Variants in CD2AP observed in about 807,000 individuals in gnomAD.
The protein encoded by CD2AP is CD2 associated protein.
In CD2AP, 46 loss-of-function variants were observed where a neutral mutation model predicts 85.1. The observed-to-expected ratio is 0.54, with a 90% CI of 0.43 to 0.69. The LOEUF is 0.69. CD2AP is among the 30% of genes least tolerant of loss of function. The probability of loss-of-function intolerance (pLI) is 0.00; values close to 1 mark genes in which losing one functional copy is unlikely to be tolerated. For synonymous variants in CD2AP, 255 were observed against 252.9 expected, an observed-to-expected ratio of 1.01 and a Z score of -0.08; for missense variants, 769 against 729.5, an observed-to-expected ratio of 1.05 and a Z score of -0.62.
Position 47,493,524 on chromosome 6 carries a change from G to C in CD2AP, c.5-9756G>C, listed in dbSNP as rs9357541. ...TGCCTTTGATTTTCTTCCATTAAAT[G>C]TGATACATCTAGGTGTAGTTTTTTT... is the stretch of plus-strand genomic sequence containing the variant. On this transcript the variant is annotated intron_variant, in intron 1 of 17. Transcript: ENST00000359314. Among the ~76,000 whole-genome samples, 9 of 152,034 alleles carry C rather than the reference G, an allele frequency of 5.9e-5. No individual in the cohort carries two copies. The East Asian group carries it at 1.7e-3, about 29-fold the overall frequency.
intron 5 of CD2AP, among the ~76,000 whole-genome samples, chr6:47,565,738 T>C (rs1767974595): frequency 6.6e-6 from 1 of 152,218 alleles, no homozygotes; most frequent in African/African-American, 2.4e-5. Flanking sequence ...GTTTAGAATC[T>C]ATTTTCTTTT....
chr6:47,552,021 G>A (rs1013520777), intron 4 of CD2AP, among the ~76,000 whole-genome samples: 2 of 152,002 alleles, frequency 1.3e-5, no homozygotes, highest in African/African-American at 4.8e-5. Context: ...GATTTAAGGG[G>A]TAGGGAACAG....
chr6:47,562,995 G>A (rs1236679958), intron 5 of CD2AP: 1 of 407,042 alleles, frequency 2.5e-6, no homozygotes. Context: ...GTATGTCATC[G>A]AAGAGTCCTT....
chr6:47,481,495 G>T (rs1360798445), intron 1 of CD2AP, among the ~76,000 whole-genome samples: 1 of 152,054 alleles, frequency 6.6e-6, no homozygotes, highest in Non-Finnish European at 1.5e-5. Context: ...ACAGGTGTGT[G>T]CCACCATGCC....
Position 47,609,192 on chromosome 6 carries a change from G to C in CD2AP, c.1702G>C (p.Glu568Gln). 6.2e-7 allele frequency: 1 copy of C among 1,613,094 alleles called. No homozygotes were observed. Among genetic ancestry groups the C allele is most frequent in the Non-Finnish European group, 8.5e-7 (1 of 1,179,496 alleles). ...TACAACTGCTTTCCTGACTCCATTA[G>C]AAATCAAAGCTAAAGTGGAAACAGA... ...ANTTAFLTPL[E>Q]IKAKVETDDV... The change falls in exon 16 of 18, where the codon GAA (glutamate) becomes CAA (glutamine). Residue 568 changes from glutamate (E) to glutamine (Q), a missense_variant. Coordinates refer to ENST00000359314, the MANE Select transcript of CD2AP (RefSeq NM_012120.3).
At chr6:47,579,204 G>GCATTC (rs1768397081) in intron 8 of CD2AP, among the ~76,000 whole-genome samples, 181 bp from the exon 9 acceptor site, 1 of 151,888 alleles carries the variant, frequency 6.6e-6, no homozygotes. Context: ...GTTTATGATT[G>GCATTC]CATTCCTGTG....
intron 11 of CD2AP, among the ~76,000 whole-genome samples, chr6:47,586,395 T>C (rs1291185187): frequency 6.6e-6 from 1 of 152,168 alleles, no homozygotes; most frequent in Non-Finnish European, 1.5e-5. Flanking sequence ...AGAATATTGG[T>C]TACCTGAGTG....
chr6:47,623,987 A>G (rs1043185615), intron 17 of CD2AP, among the ~76,000 whole-genome samples, 199 bp from the exon 18 acceptor site: 1 of 152,036 alleles, frequency 6.6e-6, no homozygotes, highest in African/African-American at 2.4e-5. Flanking sequence ...CTTTTTTCTT[A>G]TTGTAACTGC....
intron 1 of CD2AP, among the ~76,000 whole-genome samples, chr6:47,493,270 G>A (rs897606205): frequency 6.6e-6 from 1 of 150,680 alleles, no homozygotes; most frequent in African/African-American, 2.4e-5. Context: ...TGTTGGCAAT[G>A]AATTCTTGTT....
intron 14 of CD2AP, among the ~76,000 whole-genome samples, chr6:47,607,542 G>C (rs975641947): frequency 6.6e-6 from 1 of 152,006 alleles, no homozygotes; most frequent in African/African-American, 2.4e-5. Context: ...GTATTTCTCT[G>C]ATGATTGTTG....
At chr6:47,522,669 C>G (rs1766626991) in intron 2 of CD2AP, among the ~76,000 whole-genome samples, 1 of 152,010 alleles carries the variant, frequency 6.6e-6, no homozygotes, top group African/African-American at 2.4e-5. Context: ...GAATAAAAAT[C>G]ACTCAGATGT....
At chr6:47,529,539 T>C (rs528069281) in intron 2 of CD2AP, among the ~76,000 whole-genome samples, 1 of 152,304 alleles carries the variant, frequency 6.6e-6, no homozygotes, top group South Asian at 2.1e-4. Flanking sequence ...AACCCTGAAC[T>C]GGAATAGGTG....
At chr6:47,550,204 A>G (rs1767475276) in intron 4 of CD2AP, among the ~76,000 whole-genome samples, 1 of 152,210 alleles carries the variant, frequency 6.6e-6, no homozygotes, top group Non-Finnish European at 1.5e-5. Flanking sequence ...ACAGATAAAT[A>G]GCTATGACCT....
At chr6:47,568,524 A>G (rs12196733) in intron 5 of CD2AP, among the ~76,000 whole-genome samples, 91,807 of 151,864 alleles carry the variant, frequency 0.6, 28,558 homozygotes, top group Middle Eastern at 0.74. Flanking sequence ...GGTGGATCAC[A>G]AGGTCAGGAG....
intron 1 of CD2AP, among the ~76,000 whole-genome samples, chr6:47,497,382 T>G (rs1014995443): frequency 7.2e-6 from 1 of 139,598 alleles, no homozygotes; most frequent in South Asian, 2.7e-4. Context: ...TCTCCTTCCC[T>G]GTCGCCTTCC....
At chr6:47,566,323 T>TATATATATATATATATATATATATACAC in intron 5 of CD2AP, among the ~76,000 whole-genome samples, 1 of 108,388 alleles carries the variant, frequency 9.2e-6, no homozygotes, top group Non-Finnish European at 2.1e-5. Flanking sequence ...TATATATATA[T>TATATATATATATATATATATATATACAC]ACACATACAC....
chr6:47,522,033 A>C (rs1331968562), intron 2 of CD2AP, among the ~76,000 whole-genome samples: 1 of 151,970 alleles, frequency 6.6e-6, no homozygotes, highest in Non-Finnish European at 1.5e-5. Context: ...AAAAGAAAGA[A>C]AGATAACCTA....
At chr6:47,577,474 G>A (rs749326055) in intron 8 of CD2AP, among the ~76,000 whole-genome samples, 1 of 151,746 alleles carries the variant, frequency 6.6e-6, no homozygotes, top group Non-Finnish European at 1.5e-5. Context: ...TGTTTGTAAT[G>A]TAAACAGAAG....
intron 5 of CD2AP, among the ~76,000 whole-genome samples, chr6:47,570,897 A>C (rs1160394424): frequency 1.3e-5 from 2 of 152,158 alleles, no homozygotes; most frequent in African/African-American, 4.8e-5. Context: ...GGTATTTTTC[A>C]TTTAGCCAAA....
Sources: allele counts gnomAD v4.1 joint callset (sites outside exome capture counted in the v4.1 genomes callset), GRCh38; gene constraint gnomAD v4.1.1; transcripts MANE v1.5; gene names NCBI Gene and HGNC (gene_info 2026-07-23, HGNC 2026-07-21).